Variants in CBLB observed in about 807,000 individuals in gnomAD.
CBLB encodes Cbl proto-oncogene B.
CBLB carries 31 observed loss-of-function variants against 104.9 expected under a neutral mutation model. The ratio of observed to expected loss-of-function variants is 0.30; its 90% CI spans 0.22 to 0.40. CBLB has a LOEUF of 0.40. Ranked by LOEUF, CBLB falls within the 10% of genes least tolerant of loss-of-function variation. CBLB has a pLI of 1.00. For synonymous variants in CBLB, 440 were observed against 422.6 expected, an observed-to-expected ratio of 1.04 and a Z score of -0.51; for missense variants, 1,062 against 1,214.6, an observed-to-expected ratio of 0.87 and a Z score of 1.87.
chr3:105,709,618 C>T (rs1312186173), intron 10 of CBLB, among the ~76,000 whole-genome samples: 1 of 151,746 alleles, frequency 6.6e-6, no homozygotes, highest in Non-Finnish European at 1.5e-5. Flanking sequence ...TTAAAGTATG[C>T]ATATATGGAT....
intron 18 of CBLB, among the ~76,000 whole-genome samples, chr3:105,665,476 C>T (rs1330367069): frequency 2.1e-5 from 3 of 142,286 alleles, no homozygotes; most frequent in Admixed American, 7.0e-5. Context: ...CACACACACA[C>T]ACATATATAT....
At chr3:105,722,812 C>T (rs2152832679) in intron 9 of CBLB, among the ~76,000 whole-genome samples, 1 of 152,180 alleles carries the variant, frequency 6.6e-6, no homozygotes, top group East Asian at 1.9e-4. Context: ...ATAACTGTGT[C>T]TTTATAGCAC....
At chr3:105,857,595 G>C (rs574904655) in intron 2 of CBLB, among the ~76,000 whole-genome samples, 1 of 152,146 alleles carries the variant, frequency 6.6e-6, no homozygotes, top group Non-Finnish European at 1.5e-5. Flanking sequence ...TCTGAATCTC[G>C]GGCTGATCTT....
At chr3:105,718,623 G>C (rs1289286652) in intron 10 of CBLB, among the ~76,000 whole-genome samples, 1 of 152,130 alleles carries the variant, frequency 6.6e-6, no homozygotes, top group Non-Finnish European at 1.5e-5. Context: ...TAGTGACAAT[G>C]GCAAATAGGT....
At chr3:105,787,930 A>G (rs1320417492) in intron 3 of CBLB, among the ~76,000 whole-genome samples, 1 of 152,206 alleles carries the variant, frequency 6.6e-6, no homozygotes, top group African/African-American at 2.4e-5. Flanking sequence ...TCTGTGTTTC[A>G]TGTTAATGAA....
At chr3:105,820,775 T>A (rs1577499415) in intron 3 of CBLB, among the ~76,000 whole-genome samples, 1 of 152,134 alleles carries the variant, frequency 6.6e-6, no homozygotes, top group South Asian at 2.1e-4. Context: ...AAAACTAGAC[T>A]GTGTACTACT....
intron 10 of CBLB, among the ~76,000 whole-genome samples, chr3:105,715,958 G>A (rs969842216): frequency 6.6e-6 from 1 of 152,186 alleles, no homozygotes; most frequent in Non-Finnish European, 1.5e-5. Flanking sequence ...AAAATCACTT[G>A]AACCAGGGAG....
At chr3:105,831,026 C>T (rs1028064319) in intron 3 of CBLB, among the ~76,000 whole-genome samples, 3 of 152,104 alleles carry the variant, frequency 2.0e-5, no homozygotes, top group East Asian at 3.8e-4. Flanking sequence ...CATTTAAATA[C>T]GAAATTGCAT....
At chr3:105,703,860 C>T (rs140373932) in intron 11 of CBLB, 128 bp downstream of exon 11, 208 of 805,298 alleles carry the variant, frequency 2.6e-4, no homozygotes, top group African/African-American at 2.4e-3. Flanking sequence ...ATAAACTAAA[C>T]GAGAAACTCA....
At chr3:105,761,332 C>T (rs539501935) in intron 4 of CBLB, among the ~76,000 whole-genome samples, 15 of 152,170 alleles carry the variant, frequency 9.9e-5, no homozygotes. Flanking sequence ...GCACCCACCC[C>T]CTAAACACTG....
At chr3:105,797,419 A>G (rs981902272) in intron 3 of CBLB, among the ~76,000 whole-genome samples, 10 of 152,116 alleles carry the variant, frequency 6.6e-5, no homozygotes, top group Non-Finnish European at 1.2e-4. Context: ...AAAGAGGGGA[A>G]CAACAGACAC....
chr3:105,837,387 G>A (rs2088709665), intron 3 of CBLB, among the ~76,000 whole-genome samples: 1 of 152,180 alleles, frequency 6.6e-6, no homozygotes, highest in Non-Finnish European at 1.5e-5. Context: ...AGGGTCATAA[G>A]TACAACACAT....
At chr3:105,764,356 C>T (rs1158460533) in intron 4 of CBLB, among the ~76,000 whole-genome samples, 1 of 152,152 alleles carries the variant, frequency 6.6e-6, no homozygotes, top group Non-Finnish European at 1.5e-5. Context: ...AAACAGCTGG[C>T]ACACAGGTCT....
At chr3:105,836,598 C>A (rs1015859699) in intron 3 of CBLB, among the ~76,000 whole-genome samples, 3 of 152,092 alleles carry the variant, frequency 2.0e-5, no homozygotes, top group Admixed American at 6.6e-5. Context: ...AGTTTCGGAA[C>A]CACAGTATGG....
rs2153163325 is a variant in CBLB, at chr3:105,867,607, T to A, written c.-14-16A>T. ...AATTTTAGTTCTTTAAAAGGCAGAT[T>A]TAAAAAAAGAAAAGTTAGTTGGTTT... On this transcript the variant is annotated splice_polypyrimidine_tract_variant and intron_variant, in intron 1 of 18. Transcript: ENST00000394030. 1 of 1,612,184 alleles carries A rather than the reference T, an allele frequency of 6.2e-7. No individual in the cohort carries two copies. The highest frequency in any genetic ancestry group is 1.6e-4 in the Middle Eastern group (1 of 6,062).
rs897450420 is a variant in CBLB, at chr3:105,656,471, A to G, written c.*2499T>C. On this transcript the variant is annotated 3_prime_UTR_variant, in exon 19 of 19. Transcript: ENST00000394030. Reference sequence around the variant, plus strand: ...TGGGTCTTTCTTGACAGTGTTTAATAGAAAGTTTTCCTCTTTTCATTCCAT... The same window carrying G: ...TGGGTCTTTCTTGACAGTGTTTAATGGAAAGTTTTCCTCTTTTCATTCCAT... 1 of 191,908 alleles carries G rather than the reference A, an allele frequency of 5.2e-6. No homozygotes were observed. The highest frequency in any genetic ancestry group is 8.2e-5 in the East Asian group (1 of 12,124). 11.9% of individuals were successfully genotyped at this position (191,908 alleles called of 1,614,324 possible).
intron 3 of CBLB, among the ~76,000 whole-genome samples, chr3:105,820,366 G>A (rs1474443763): frequency 6.6e-6 from 1 of 152,180 alleles, no homozygotes; most frequent in Non-Finnish European, 1.5e-5. Context: ...TGGCCCAGGG[G>A]TTAAGGACCC....
chr3:105,804,541 T>C (rs1027389632), intron 3 of CBLB, among the ~76,000 whole-genome samples: 3 of 151,658 alleles, frequency 2.0e-5, no homozygotes, highest in Non-Finnish European at 4.4e-5. Flanking sequence ...AAATGTAAAA[T>C]ATCTCATTAA....
Position 105,720,152 on chromosome 3 carries a change from C to G in CBLB, c.1302G>C (p.Arg434Ser). 2 of 1,613,852 alleles carry G rather than the reference C, an allele frequency of 1.2e-6. No homozygotes were observed. The highest frequency in any genetic ancestry group is 1.7e-6 in the Non-Finnish European group (2 of 1,179,852). The change falls in exon 10 of 19, where the codon AGG becomes AGC. Residue 434 changes from arginine to serine, a missense_variant. Coordinates refer to ENST00000394030, the MANE Select transcript of CBLB (RefSeq NM_170662.5). Reference protein sequence around the residue: ...DPFDPRDEGSRCCSIIDPFGM... With the variant: ...DPFDPRDEGSSCCSIIDPFGM... ...CAAAGGGGTCAATGATGCTGCAACA[C>G]CTGGAGCCTTCATCTCTTGGATCAA...
Sources: gnomAD v4.1 joint callset for allele counts (sites outside exome capture counted in the v4.1 genomes callset) on GRCh38, gnomAD v4.1.1 for gene constraint, MANE v1.5 for transcripts, NCBI Gene and HGNC (gene_info 2026-07-23, HGNC 2026-07-21) for gene names.